MPDZ: variants seen among roughly 807,000 people sequenced by gnomAD.
MPDZ encodes multiple PDZ domain protein.
MPDZ carries 234 observed loss-of-function variants against 239.1 expected under a neutral mutation model. The observed-to-expected ratio is 0.98, with a 90% CI of 0.88 to 1.09. The LOEUF is 1.09. Among genes scored for constraint, MPDZ ranks in the 50% least tolerant of loss-of-function variants. The pLI is 0.00. For missense variants in MPDZ, 3,175 were observed against 2,510.0 expected (o/e 1.26, Z -5.66); for synonymous variants, 1,048 against 881.3 (o/e 1.19, Z -3.35).
chr9:13,113,958 G>T lies in MPDZ; in HGVS notation c.5530C>A (p.Leu1844Met). 1.3e-6 allele frequency: 2 copies of T among 1,597,176 alleles called. No homozygotes were observed. Among genetic ancestry groups the T allele is most frequent in the Non-Finnish European group, 1.7e-6 (2 of 1,171,126 alleles). The change falls in exon 41 of 47, where the codon CTG (leucine) becomes ATG (methionine). Residue 1844 changes from leucine to methionine, a missense_variant. By Grantham distance (15) the Leu-to-Met change is conservative. Coordinates refer to ENST00000319217, the MANE Select transcript of MPDZ (RefSeq NM_001378778.1). ...GCATTCTTCTTTGAGCTACTTTCCA[G>T]TGACTCAGATGTACTGGATCCAGAG... is the stretch of plus-strand genomic sequence containing the variant. ...PLSGSSTSESLESSSKKNALA... is the reference protein window; with the variant it reads ...PLSGSSTSESMESSSKKNALA...
intron 23 of MPDZ, among the ~76,000 whole-genome samples, chr9:13,159,403 C>G (rs1950203110): frequency 6.6e-6 from 1 of 152,068 alleles, no homozygotes; most frequent in African/African-American, 2.4e-5. Context: ...TAGGGTAGGA[C>G]TGGTGGGAAG....
chr9:13,117,988 G>A (rs1394321524), intron 39 of MPDZ, among the ~76,000 whole-genome samples: 3 of 152,026 alleles, frequency 2.0e-5, no homozygotes, highest in Middle Eastern at 3.4e-3. Context: ...GGGATTACAG[G>A]CATGCGCTAC....
At position 13,222,409 on chromosome 9, in the gene MPDZ, T is replaced by G. The variant is rs1359025689; in HGVS notation, c.571A>C (p.Ile191Leu). 1 of 1,612,612 alleles carries G rather than the reference T, an allele frequency of 6.2e-7. No homozygotes were observed. The highest frequency in any genetic ancestry group is 1.1e-5 in the South Asian group (1 of 91,016). Residue 191 changes from isoleucine (I) to leucine (L), a missense_variant, in exon 6 of 47, where the codon ATC becomes CTC. Physicochemically the swap from Ile to Leu is conservative, Grantham distance 5. Transcript: ENST00000319217. ...GTCTGATCAAGAGCCTGTCCATTGA[T>G]AGCAAGAATTTGATCAGTTTCTTTC... ...RLKETDQILA[I>L]NGQALDQTIT... is the part of the protein sequence containing the mutation.
chr9:13,260,985 C>A (rs1443214855), intron 1 of MPDZ, among the ~76,000 whole-genome samples: 2 of 152,194 alleles, frequency 1.3e-5, no homozygotes, highest in African/African-American at 4.8e-5. Flanking sequence ...CAACCATAAC[C>A]AAGGGAACCA....
chr9:13,136,799 T>A lies in MPDZ; in HGVS notation c.4205A>T (p.Asn1402Ile). ...ACTTCTTCCATATAAAATCTGACCA[T>A]TGATCTGTGAGAAATAAATATCATT... ...LQIADELLEI[N>I]GQILYGRSHQ... is the part of the protein sequence containing the mutation. The change falls in exon 30 of 47, where the codon AAT becomes ATT. Residue 1402 changes from asparagine (N) to isoleucine (I), a missense_variant. Transcript: ENST00000319217. The A allele has an allele frequency of 6.3e-7, 1 of 1,582,388 alleles. No homozygotes were observed. Among genetic ancestry groups the A allele is most frequent in the East Asian group, 2.3e-5 (1 of 44,188 alleles).
rs1465011941 is a variant in MPDZ at position 13,105,840 on chromosome 9, G to A, written c.*1125C>T. 2 of 152,112 alleles carry A rather than the reference G, an allele frequency of 1.3e-5. No individual in the cohort carries two copies. Among genetic ancestry groups the A allele is most frequent in the Non-Finnish European group, 2.9e-5 (2 of 68,024 alleles). The allele number at this position is 152,112 out of a possible 1,614,324, so 9.4% of individuals were successfully genotyped here. On this transcript the variant is annotated 3_prime_UTR_variant, in exon 47 of 47. Coordinates refer to ENST00000319217, the MANE Select transcript of MPDZ (RefSeq NM_001378778.1). ...AAGTGACTTTATATATTCTAATGTAGGAGTTTCACGCTCTAAAATGGGAAT... is the reference window on the plus strand; with the variant it reads ...AAGTGACTTTATATATTCTAATGTAAGAGTTTCACGCTCTAAAATGGGAAT...
intron 18 of MPDZ, among the ~76,000 whole-genome samples, chr9:13,185,474 T>A (rs2134633970): frequency 6.6e-6 from 1 of 152,206 alleles, no homozygotes. Context: ...ATATTCCTTT[T>A]TAGCAACAGT....
chr9:13,125,511 A>G (rs927472533), intron 34 of MPDZ, 121 bp from the exon 35 acceptor site: 14 of 854,796 alleles, frequency 1.6e-5, no homozygotes, highest in African/African-American at 1.5e-4. Flanking sequence ...GGACAGATGC[A>G]AATTATTTCT....
chr9:13,114,396 G>T (rs1012603511), intron 40 of MPDZ, among the ~76,000 whole-genome samples: 2 of 152,168 alleles, frequency 1.3e-5, no homozygotes, highest in South Asian at 4.1e-4. Flanking sequence ...TAGTAATTTA[G>T]AAAGTTAGTA....
At chr9:13,117,281 T>C (rs1158838041) in intron 39 of MPDZ, among the ~76,000 whole-genome samples, 1 of 152,096 alleles carries the variant, frequency 6.6e-6, no homozygotes, top group Non-Finnish European at 1.5e-5. Context: ...ATAGTTGTCA[T>C]GACACTTTGG....
intron 24 of MPDZ, among the ~76,000 whole-genome samples, chr9:13,150,979 A>C (rs754900768): frequency 6.6e-5 from 10 of 152,088 alleles, no homozygotes; most frequent in African/African-American, 1.4e-4. Flanking sequence ...ACAACAACAA[A>C]AAAACAAGTG....
At chr9:13,144,956 T>A (rs1310136057) in intron 26 of MPDZ, among the ~76,000 whole-genome samples, 1 of 152,060 alleles carries the variant, frequency 6.6e-6, no homozygotes, top group African/African-American at 2.4e-5. Context: ...TTATTTCTAA[T>A]CTCCATACAT....
intron 13 of MPDZ, 51 bp from the exon 14 acceptor site, chr9:13,193,364 T>C (rs1955210900): frequency 1.3e-6 from 2 of 1,541,544 alleles, no homozygotes; most frequent in Non-Finnish European, 8.7e-7. Context: ...CTTTTTATTT[T>C]TACTCATGCA....
intron 32 of MPDZ, among the ~76,000 whole-genome samples, chr9:13,129,870 GAAC>G (rs1407960965): frequency 5.3e-5 from 8 of 152,016 alleles, no homozygotes; most frequent in Middle Eastern, 6.3e-3. Flanking sequence ...ATATATTTTT[GAAC>G]AACGAGTTGT....
chr9:13,150,442 TA>T lies in MPDZ; in HGVS notation c.3630+68del. On this transcript the variant is annotated intron_variant, in intron 25 of 46. Coordinates refer to ENST00000319217, the MANE Select transcript of MPDZ (RefSeq NM_001378778.1). ...CCTAAAACTTAAAGTATAATAATAG[TA>T]AAATTAAAAAATAAATAAATAAAAC... 3.2e-6 allele frequency: 4 copies of T among 1,255,714 alleles called. 1 individual carries two copies. The Middle Eastern group carries it at 8.9e-4, about 281-fold the overall frequency. 77.8% of individuals were successfully genotyped at this position (1,255,714 alleles called of 1,614,324 possible).
At chr9:13,246,853 G>C (rs1169167636) in intron 3 of MPDZ, among the ~76,000 whole-genome samples, 1 of 152,092 alleles carries the variant, frequency 6.6e-6, no homozygotes, top group East Asian at 1.9e-4. Flanking sequence ...AACTAACTTG[G>C]ATTGAAGGCA....
chr9:13,256,024 T>C (rs898679384), intron 1 of MPDZ, among the ~76,000 whole-genome samples: 2 of 152,226 alleles, frequency 1.3e-5, no homozygotes, highest in Non-Finnish European at 2.9e-5. Context: ...GCCACCTTCA[T>C]TAATGATCTT....
intron 15 of MPDZ, among the ~76,000 whole-genome samples, chr9:13,191,500 C>T (rs1222848603): frequency 1.3e-5 from 2 of 152,092 alleles, no homozygotes; most frequent in African/African-American, 2.4e-5. Flanking sequence ...AATAAACAAA[C>T]AGGAAAATGT....
chr9:13,189,113 C>A, intron 16 of MPDZ, 120 bp from the exon 17 acceptor site: 16 of 808,076 alleles, frequency 2.0e-5, no homozygotes, highest in South Asian at 4.1e-5. Context: ...AATTTTCATG[C>A]CAAAAAAAAT....
Sources: gnomAD v4.1 joint callset for allele counts (sites outside exome capture counted in the v4.1 genomes callset) on GRCh38, gnomAD v4.1.1 for gene constraint, MANE v1.5 for transcripts, NCBI Gene and HGNC (gene_info 2026-07-23, HGNC 2026-07-21) for gene names.